The following PTPN5 variants were observed in gnomAD, a reference collection of about 807,000 sequenced individuals.
The protein encoded by PTPN5 is protein tyrosine phosphatase non-receptor type 5.
PTPN5 carries 29 observed loss-of-function variants against 73.9 expected under a neutral mutation model. The ratio of observed to expected loss-of-function variants is 0.39; its 90% CI spans 0.29 to 0.54. The LOEUF is 0.54. PTPN5 is among the 20% of genes least tolerant of loss of function. The pLI, the probability that PTPN5 is intolerant of heterozygous loss-of-function variation, is 0.65. For synonymous variants in PTPN5, 267 were observed against 304.7 expected, an observed-to-expected ratio of 0.88 and a Z score of 1.29; for missense variants, 652 against 751.4, an observed-to-expected ratio of 0.87 and a Z score of 1.55.
intron 1 of PTPN5, among the ~76,000 whole-genome samples, chr11:18,789,293 T>C (rs956264968): frequency 2.6e-5 from 4 of 152,150 alleles, no homozygotes; most frequent in African/African-American, 7.2e-5. Flanking sequence ...AAGAAGCCCA[T>C]AGCAGTTACA....
intron 9 of PTPN5, among the ~76,000 whole-genome samples, chr11:18,734,713 G>C (rs1227166511): frequency 2.6e-5 from 4 of 152,196 alleles, no homozygotes; most frequent in Non-Finnish European, 5.9e-5. Context: ...CTGTCAGCCT[G>C]CAGAGGCCAA....
chr11:18,773,467 C>T (rs1851006379), intron 1 of PTPN5, among the ~76,000 whole-genome samples: 1 of 152,090 alleles, frequency 6.6e-6, no homozygotes, highest in Non-Finnish European at 1.5e-5. Flanking sequence ...CGCTGCACCC[C>T]ACACGGCGTC....
chr11:18,771,973 G>GA lies in PTPN5; in HGVS notation c.-16dup. 1 of 1,566,776 alleles carries GA rather than the reference G, an allele frequency of 6.4e-7. No individual in the cohort carries two copies. Among genetic ancestry groups the GA allele is most frequent in the Non-Finnish European group, 8.6e-7 (1 of 1,163,424 alleles). ...TCATAATTCATTCCCAAGGTGTCTG[G>GA]ATGGGGAAGGGTGCCATCTTCCAGG... On this transcript the variant is annotated 5_prime_UTR_variant, in exon 2 of 15. Coordinates refer to ENST00000358540, the MANE Select transcript of PTPN5 (RefSeq NM_006906.2).
intron 3 of PTPN5, among the ~76,000 whole-genome samples, chr11:18,755,501 T>C (rs1194530218): frequency 6.6e-6 from 1 of 152,210 alleles, no homozygotes; most frequent in East Asian, 1.9e-4. Context: ...CATAGCAGGC[T>C]GTATTCCCAA....
intron 12 of PTPN5, chr11:18,730,077 A>G: frequency 3.7e-6 from 2 of 547,656 alleles, no homozygotes; most frequent in South Asian, 2.5e-5. Flanking sequence ...AGGATCATCC[A>G]AGAGGGGCCA....
At chr11:18,775,776 G>T (rs1447838895) in intron 1 of PTPN5, among the ~76,000 whole-genome samples, 1 of 152,200 alleles carries the variant, frequency 6.6e-6, no homozygotes, top group African/African-American at 2.4e-5. Flanking sequence ...TGAATGAGAT[G>T]ACCTCTAAGG....
intron 3 of PTPN5, among the ~76,000 whole-genome samples, chr11:18,760,044 G>A (rs1406527098): frequency 6.6e-6 from 1 of 152,058 alleles, no homozygotes; most frequent in Admixed American, 6.5e-5. Context: ...AGCCTTCCCT[G>A]ACCCACCAAG....
At chr11:18,743,179 G>C (rs1849452514) in intron 5 of PTPN5, 104 bp from the exon 6 acceptor site, 4 of 1,215,598 alleles carry the variant, frequency 3.3e-6, no homozygotes, top group Admixed American at 1.8e-5. Flanking sequence ...TCCCAGGTCT[G>C]GGATGGGGAG....
chr11:18,790,355 TG>T (rs1851861167), intron 1 of PTPN5, among the ~76,000 whole-genome samples: 2 of 152,018 alleles, frequency 1.3e-5, no homozygotes, highest in Admixed American at 1.3e-4. Flanking sequence ...GAAGGGTGAC[TG>T]GGAGGGCATG....
In PTPN5 at chr11:18,784,589, C is replaced by T. The variant is rs141252103; in HGVS notation, c.-114+6936G>A. ...GGACAGTGGTGATGGTTGTATAACA[C>T]TGTAAATATACTTAACGCCACAAAA... On this transcript the variant is annotated intron_variant, in intron 1 of 14. Coordinates refer to ENST00000358540, the MANE Select transcript of PTPN5 (RefSeq NM_006906.2). Among the ~76,000 whole-genome samples, 45 of 152,308 alleles carry T rather than the reference C, an allele frequency of 3.0e-4. No homozygotes were observed. In the East Asian group the frequency reaches 8.7e-3, roughly 29 times the overall value.
At chr11:18,780,553 A>C (rs7121884) in intron 1 of PTPN5, among the ~76,000 whole-genome samples, 3 of 152,152 alleles carry the variant, frequency 2.0e-5, no homozygotes, top group Non-Finnish European at 4.4e-5. Context: ...TGTGGTTTCC[A>C]GCCCTTCCAA....
intron 3 of PTPN5, among the ~76,000 whole-genome samples, chr11:18,765,538 C>A (rs779625741): frequency 6.6e-6 from 1 of 152,216 alleles, no homozygotes; most frequent in Non-Finnish European, 1.5e-5. Context: ...CTCCTCAGCT[C>A]TTCGTCCTTC....
At position 18,772,577 on chromosome 11, in the gene PTPN5, C is replaced by T. The variant is rs111868345; in HGVS notation, c.-113-506G>A. 1.2e-4 allele frequency among the ~76,000 whole-genome samples: 19 copies of T among 152,292 alleles called. 2 individuals are homozygous for T. Among genetic ancestry groups the T allele is most frequent in the African/African-American group, 4.6e-4 (19 of 41,548 alleles). ...GACAAATGACTTCCCTTCCATCCCT[C>T]CTCTTCTCTGAGTGGGAGAAGTGGG... On this transcript the variant is annotated intron_variant, in intron 1 of 14. Transcript: ENST00000358540.
Position 18,728,904 on chromosome 11 carries a change from T to C in PTPN5, c.*30A>G. On this transcript the variant is annotated 3_prime_UTR_variant, in exon 15 of 15. Transcript: ENST00000358540. This position sits in a 1 kb window ranked among gnomAD's most constrained non-coding sequence, Gnocchi z 4.1. ...GAGGGCCGAGACTCAGGCTGGGCAG[T>C]GCCCAGAGAACCTTGTAGGAGAAGC... 3 of 1,602,354 alleles carry C rather than the reference T, an allele frequency of 1.9e-6. No homozygotes were observed. The highest frequency in any genetic ancestry group is 2.6e-6 in the Non-Finnish European group (3 of 1,174,742).
chr11:18,737,869 TG>T lies in PTPN5; in HGVS notation c.1000+10del. The stretch of plus-strand genomic sequence containing the variant: ...GCCTGCCCCCATCCCTCTGGGACAG[TG>T]AGTACTCACTGGGAAGTATGGTTTT... On this transcript the variant is annotated intron_variant, in intron 9 of 14. Transcript: ENST00000358540. The T allele has an allele frequency of 6.2e-7, 1 of 1,612,112 alleles. No homozygotes were observed. Among genetic ancestry groups the T allele is most frequent in the Non-Finnish European group, 8.5e-7 (1 of 1,178,140 alleles).
chr11:18,788,626 C>G (rs1851776860), intron 1 of PTPN5, among the ~76,000 whole-genome samples: 2 of 152,230 alleles, frequency 1.3e-5, no homozygotes, highest in Non-Finnish European at 2.9e-5. Flanking sequence ...GAAGCCGTTA[C>G]TGACCTGTGA....
chr11:18,743,472 T>C, intron 4 of PTPN5, 43 bp from the exon 5 acceptor site: 1 of 1,538,674 alleles, frequency 6.5e-7, no homozygotes, highest in South Asian at 1.1e-5. Context: ...CCGGCCCCCT[T>C]CCCCCGTGTT....
chr11:18,771,336 C>T (rs999529858), intron 2 of PTPN5, among the ~76,000 whole-genome samples: 2 of 152,236 alleles, frequency 1.3e-5, no homozygotes, highest in African/African-American at 4.8e-5. Context: ...AGATCCTTTT[C>T]CCCTTTTGTC....
chr11:18,737,891 G>A lies in PTPN5; in HGVS notation c.989C>T (p.Thr330Ile), dbSNP rs1849184733. The change falls in exon 9 of 15, where the codon ACC (threonine) becomes ATC (isoleucine). Residue 330 changes from threonine (T) to isoleucine (I), a missense_variant. Around this residue, in one of 3 missense-constraint regions of PTPN5, gnomAD observed 529 missense variants for 573.9 expected, o/e 0.92. Transcript: ENST00000358540. The part of the protein sequence containing the change: ...PGLVRKNRYK[T>I]ILPNPHSRVC... ...CAGTGAGTACTCACTGGGAAGTATGGTTTTGTACCGGTTCTTCCGCACCAG... is the reference window on the plus strand; with the variant it reads ...CAGTGAGTACTCACTGGGAAGTATGATTTTGTACCGGTTCTTCCGCACCAG... 6.2e-7 allele frequency: 1 copy of A among 1,614,024 alleles called. No homozygotes were observed. Among genetic ancestry groups the A allele is most frequent in the Non-Finnish European group, 8.5e-7 (1 of 1,179,866 alleles).
Sources: gnomAD v4.1 joint callset for allele counts (sites outside exome capture counted in the v4.1 genomes callset) on GRCh38, gnomAD v4.1.1 for gene constraint, gnomAD v4.1.1 regional missense constraint, Gnocchi (gnomAD v3.1) non-coding constraint, MANE v1.5 for transcripts, NCBI Gene and HGNC (gene_info 2026-07-23, HGNC 2026-07-21) for gene names.